Variants in NECAB1 observed in about 807,000 individuals in gnomAD.
The protein encoded by NECAB1 is N-terminal EF-hand calcium-binding protein 1.
NECAB1 carries 29 observed loss-of-function variants against 57.5 expected under a neutral mutation model. The ratio of observed to expected loss-of-function variants is 0.50; its 90% confidence interval spans 0.38 to 0.69. The LOEUF is 0.69. Among genes scored for constraint, NECAB1 ranks in the 30% least tolerant of loss-of-function variants. The probability of loss-of-function intolerance (pLI) is 0.00; values close to 1 mark genes in which losing one functional copy is unlikely to be tolerated. For missense variants in NECAB1, 372 were observed against 413.8 expected (o/e 0.90, Z 0.88); for synonymous variants, 142 against 147.7 (o/e 0.96, Z 0.28).
At chr8:90,922,171 A>G (rs2130145455) in intron 6 of NECAB1, among the ~76,000 whole-genome samples, 1 of 152,226 alleles carries the variant, frequency 6.6e-6, no homozygotes, top group Non-Finnish European at 1.5e-5. Flanking sequence ...CTTACATAAA[A>G]CTCTCTTCCT....
intron 3 of NECAB1, among the ~76,000 whole-genome samples, chr8:90,831,979 T>C (rs1458994188): frequency 1.3e-5 from 2 of 152,154 alleles, no homozygotes; most frequent in Non-Finnish European, 2.9e-5. Flanking sequence ...GGCTGAAAAT[T>C]GAAGTCTTAC....
intron 3 of NECAB1, among the ~76,000 whole-genome samples, chr8:90,864,933 G>A (rs1246458950): frequency 2.0e-5 from 3 of 152,068 alleles, no homozygotes; most frequent in Non-Finnish European, 4.4e-5. Flanking sequence ...CAGCCAAGGA[G>A]AGAGGAGAAT....
At chr8:90,942,231 AG>A (rs1810686291) in intron 10 of NECAB1, among the ~76,000 whole-genome samples, 3 of 152,152 alleles carry the variant, frequency 2.0e-5, no homozygotes, top group Non-Finnish European at 4.4e-5. Context: ...GGATTCAGTG[AG>A]ACAGTCCATA....
chr8:90,801,648 T>G, intron 1 of NECAB1, 43 bp from the exon 2 acceptor site: 1 of 1,351,906 alleles, frequency 7.4e-7, no homozygotes, highest in Non-Finnish European at 1.0e-6. Flanking sequence ...GTTGCAATAT[T>G]TATCTAAAAT....
intron 5 of NECAB1, among the ~76,000 whole-genome samples, chr8:90,909,164 C>CT (rs1476494338): frequency 2.0e-5 from 3 of 152,042 alleles, no homozygotes; most frequent in African/African-American, 7.2e-5. Flanking sequence ...AGGATCACAT[C>CT]TTTTAGTTGT....
At chr8:90,907,034 T>C (rs1809694642) in intron 5 of NECAB1, among the ~76,000 whole-genome samples, 1 of 150,350 alleles carries the variant, frequency 6.7e-6, no homozygotes, top group African/African-American at 2.5e-5. Context: ...CACAGGCACA[T>C]GCCACCATGC....
At chr8:90,890,583 T>C (rs1363757526) in intron 5 of NECAB1, among the ~76,000 whole-genome samples, 4 of 152,140 alleles carry the variant, frequency 2.6e-5, no homozygotes, top group Admixed American at 2.6e-4. Context: ...TGAATATATA[T>C]CAATAGAGCC....
chr8:90,945,730 C>G (rs1205474874), intron 10 of NECAB1, among the ~76,000 whole-genome samples: 1 of 152,162 alleles, frequency 6.6e-6, no homozygotes, highest in Non-Finnish European at 1.5e-5. Context: ...TGAGCCACAT[C>G]CATTTCCCCC....
chr8:90,824,912 C>A (rs566879244), intron 3 of NECAB1, 87 bp downstream of exon 3: 3 of 651,874 alleles, frequency 4.6e-6, no homozygotes, highest in South Asian at 3.1e-5. Context: ...AAGGGAAGAA[C>A]AATATAGAGG....
intron 1 of NECAB1, among the ~76,000 whole-genome samples, chr8:90,798,089 A>T (rs1183178096): frequency 1.3e-5 from 2 of 152,122 alleles, no homozygotes; most frequent in Non-Finnish European, 2.9e-5. Context: ...TTCTGATGGC[A>T]CCTGTCAGTA....
intron 5 of NECAB1, among the ~76,000 whole-genome samples, chr8:90,896,413 G>A (rs1029365894): frequency 6.6e-6 from 1 of 152,032 alleles, no homozygotes; most frequent in African/African-American, 2.4e-5. Context: ...GACCATCCTG[G>A]CTAACATGGT....
intron 3 of NECAB1, 194 bp downstream of exon 3, chr8:90,825,019 T>C: frequency 2.9e-6 from 1 of 350,656 alleles, no homozygotes. Flanking sequence ...AAAATAATGA[T>C]CTTTTGTAGA....
intron 9 of NECAB1, among the ~76,000 whole-genome samples, chr8:90,939,356 A>G (rs372172859): frequency 2.0e-5 from 3 of 152,348 alleles, no homozygotes; most frequent in African/African-American, 7.2e-5. Flanking sequence ...TGGCCAGAGC[A>G]GGTTAGAAAG....
chr8:90,801,637 C>A, intron 1 of NECAB1, 54 bp from the exon 2 acceptor site: 2 of 1,093,378 alleles, frequency 1.8e-6, no homozygotes, highest in South Asian at 1.5e-5. Context: ...GTGTAACGTT[C>A]GTTGCAATAT....
intron 8 of NECAB1, among the ~76,000 whole-genome samples, chr8:90,929,980 A>C (rs953153965): frequency 6.6e-6 from 1 of 152,230 alleles, no homozygotes; most frequent in African/African-American, 2.4e-5. Flanking sequence ...AGGAATTTGG[A>C]CTTGGAAACA....
At chr8:90,906,743 T>C (rs1375153412) in intron 5 of NECAB1, among the ~76,000 whole-genome samples, 2 of 151,796 alleles carry the variant, frequency 1.3e-5, no homozygotes, top group East Asian at 1.9e-4. Context: ...AATGTAAATA[T>C]TACCTTCCAA....
intron 10 of NECAB1, among the ~76,000 whole-genome samples, chr8:90,942,532 T>G (rs1810695754): frequency 6.6e-6 from 1 of 152,200 alleles, no homozygotes; most frequent in South Asian, 2.1e-4. Flanking sequence ...GACTCAAGAC[T>G]TGCAAAGGTG....
intron 1 of NECAB1, among the ~76,000 whole-genome samples, chr8:90,797,295 G>T (rs911707539): frequency 6.6e-6 from 1 of 152,202 alleles, no homozygotes; most frequent in Non-Finnish European, 1.5e-5. Context: ...GAGTCTAGGT[G>T]ATACCTACCT....
intron 7 of NECAB1, among the ~76,000 whole-genome samples, chr8:90,927,204 C>CTCTCTT (rs10630870): frequency 2.5e-4 from 33 of 131,108 alleles, no homozygotes; most frequent in African/African-American, 9.9e-4. Flanking sequence ...TTTTCTCTCT[C>CTCTCTT]TTTTTTTTTT....
Sources: gnomAD v4.1 joint callset for allele counts (sites outside exome capture counted in the v4.1 genomes callset) on GRCh38, gnomAD v4.1.1 for gene constraint, MANE v1.5 for transcripts, NCBI Gene and HGNC (gene_info 2026-07-23, HGNC 2026-07-21) for gene names.